The following CEP112 variants were observed in gnomAD, a reference collection of about 807,000 sequenced individuals.
CEP112 encodes the protein centrosomal protein of 112 kDa.
In CEP112, 127 loss-of-function variants were observed where a neutral mutation model predicts 153.0. The observed-to-expected ratio is 0.83, with a 90% CI of 0.72 to 0.96. The LOEUF (loss-of-function observed/expected upper bound fraction) is 0.96. Among genes scored for constraint, CEP112 ranks in the 40% least tolerant of loss-of-function variants. CEP112 has a pLI of 0.00. For synonymous variants in CEP112, 358 were observed against 374.4 expected, an observed-to-expected ratio of 0.96 and a Z score of 0.51; for missense variants, 1,089 against 1,101.2, an observed-to-expected ratio of 0.99 and a Z score of 0.16.
At chr17:65,769,152 G>A (rs1567985853) in intron 21 of CEP112, among the ~76,000 whole-genome samples, 1 of 151,334 alleles carries the variant, frequency 6.6e-6, no homozygotes, top group Non-Finnish European at 1.5e-5. Context: ...TAGCCAAAAA[G>A]GAAACTGAGA....
intron 4 of CEP112, among the ~76,000 whole-genome samples, chr17:66,134,311 T>C (rs1250557535): frequency 6.6e-6 from 1 of 152,206 alleles, no homozygotes; most frequent in Admixed American, 6.5e-5. Flanking sequence ...TACCAACCTC[T>C]TTACCCTCAC....
rs1204442481 is a variant in CEP112, at chr17:66,098,169, G to A, written c.643-1537C>T. Among the ~76,000 whole-genome samples the A allele has an allele frequency of 3.3e-5, 5 of 152,122 alleles. No individual in the cohort carries two copies. In the South Asian group the frequency reaches 6.2e-4, roughly 19 times the overall value. ...ACCAATCCTGCTGTTTCTGTACCTCGCTTCCATTTTGTGTACATCACTATC... is the reference window on the plus strand; with the variant it reads ...ACCAATCCTGCTGTTTCTGTACCTCACTTCCATTTTGTGTACATCACTATC... On this transcript the variant is annotated intron_variant, in intron 6 of 26. Transcript: ENST00000535342.
chr17:66,189,226 C>T (rs1296282151), intron 1 of CEP112, among the ~76,000 whole-genome samples: 2 of 152,116 alleles, frequency 1.3e-5, no homozygotes, highest in Non-Finnish European at 2.9e-5. Context: ...GAAGGCCAGG[C>T]GCGTTGGCTC....
chr17:66,128,767 T>C, intron 6 of CEP112, among the ~76,000 whole-genome samples: 1 of 152,156 alleles, frequency 6.6e-6, no homozygotes, highest in Non-Finnish European at 1.5e-5. Context: ...GGAATATCCA[T>C]CCGAAAGAAA....
At chr17:65,857,471 A>C (rs1598796164) in intron 20 of CEP112, among the ~76,000 whole-genome samples, 1 of 152,054 alleles carries the variant, frequency 6.6e-6, no homozygotes, top group Non-Finnish European at 1.5e-5. Context: ...CGAACTCCTG[A>C]CCTCGTGATC....
chr17:65,959,368 A>G lies in CEP112; in HGVS notation c.1872+2095T>C, dbSNP rs117205160. Among the ~76,000 whole-genome samples the G allele has an allele frequency of 4.3e-3, 658 of 152,326 alleles. 6 individuals carry two copies. Among genetic ancestry groups the G allele is most frequent in the East Asian group, 0.03 (157 of 5,176 alleles). ...TGTCTCTGAGCTGTTCTATTGCTCA[A>G]TGAAGCTCCTCTTTGTCTTGCTTAC... On this transcript the variant is annotated intron_variant, in intron 18 of 26. Coordinates refer to ENST00000535342, the MANE Select transcript of CEP112 (RefSeq NM_001199165.4).
At chr17:65,888,026 C>T (rs529972091) in intron 20 of CEP112, among the ~76,000 whole-genome samples, 3 of 152,200 alleles carry the variant, frequency 2.0e-5, no homozygotes, top group East Asian at 1.9e-4. Flanking sequence ...CAGATGTCCA[C>T]GTCTTCCAAA....
At chr17:65,865,754 A>G (rs1022550711) in intron 20 of CEP112, among the ~76,000 whole-genome samples, 1 of 152,224 alleles carries the variant, frequency 6.6e-6, no homozygotes, top group African/African-American at 2.4e-5. Flanking sequence ...ATGCAGAGAG[A>G]AGGTGTGCAG....
chr17:65,701,694 T>C (rs1398076721), intron 23 of CEP112, among the ~76,000 whole-genome samples: 1 of 152,074 alleles, frequency 6.6e-6, no homozygotes, highest in Non-Finnish European at 1.5e-5. Flanking sequence ...CTTACCATCA[T>C]CTCAAACTTC....
intron 17 of CEP112, among the ~76,000 whole-genome samples, chr17:65,996,129 CGTGTGTGTGTGTGTGT>C (rs3055983): frequency 2.1e-5 from 3 of 145,684 alleles, no homozygotes; most frequent in African/African-American, 5.1e-5. Flanking sequence ...GAAAAATATA[CGTGTGTGTGTGTGTGT>C]GTGTGTGTGT....
chr17:66,169,280 TTC>T (rs1177950135), intron 4 of CEP112, among the ~76,000 whole-genome samples: 2 of 134,266 alleles, frequency 1.5e-5, no homozygotes, highest in East Asian at 3.3e-4. Context: ...TTTTAATTTC[TTC>T]TTTTTTTTTT....
At chr17:65,881,065 A>G (rs2109910) in intron 20 of CEP112, among the ~76,000 whole-genome samples, 56,628 of 151,994 alleles carry the variant, frequency 0.37, 12,449 homozygotes, top group East Asian at 0.56. Flanking sequence ...AATACAAAAA[A>G]TTAGCCAGGC....
At chr17:66,125,784 G>GA (rs1229274483) in intron 6 of CEP112, among the ~76,000 whole-genome samples, 1 of 151,498 alleles carries the variant, frequency 6.6e-6, no homozygotes, top group African/African-American at 2.4e-5. Flanking sequence ...GGAGAAAAAG[G>GA]AAAAAATAAG....
chr17:65,711,685 T>C (rs775902435), intron 23 of CEP112, among the ~76,000 whole-genome samples: 1 of 152,230 alleles, frequency 6.6e-6, no homozygotes, highest in Non-Finnish European at 1.5e-5. Flanking sequence ...TCAAAGCATT[T>C]GTGAAGTCAA....
At chr17:66,106,179 C>T (rs2068773961) in intron 6 of CEP112, among the ~76,000 whole-genome samples, 1 of 151,816 alleles carries the variant, frequency 6.6e-6, no homozygotes, top group South Asian at 2.1e-4. Context: ...AAGTTTATAG[C>T]AAGAATTATC....
chr17:65,815,346 T>C (rs1376904393), intron 21 of CEP112, among the ~76,000 whole-genome samples: 3 of 152,136 alleles, frequency 2.0e-5, no homozygotes, highest in Non-Finnish European at 4.4e-5. Context: ...TGTGTAGGTA[T>C]ATTTCAAGAC....
At chr17:65,775,146 G>T (rs9972885) in intron 21 of CEP112, among the ~76,000 whole-genome samples, 76,577 of 151,728 alleles carry the variant, frequency 0.5, 20,939 homozygotes, top group Non-Finnish European at 0.62. Flanking sequence ...CAACATAGGG[G>T]AGAGGAACCT....
rs559529797 is a variant in CEP112, at chr17:66,058,857, C to T, written c.1074+4106G>A. 2.0e-5 allele frequency among the ~76,000 whole-genome samples: 3 copies of T among 151,948 alleles called. No homozygotes were observed. In the East Asian group the frequency reaches 5.8e-4, roughly 29 times the overall value. ...ACAGAGCAAGACCCTGTCTCAAAACCAAAATAAAACAAAAGAACAAGGCCA... is the reference window on the plus strand; with the variant it reads ...ACAGAGCAAGACCCTGTCTCAAAACTAAAATAAAACAAAAGAACAAGGCCA... On this transcript the variant is annotated intron_variant, in intron 11 of 26. Coordinates refer to ENST00000535342, the MANE Select transcript of CEP112 (RefSeq NM_001199165.4).
intron 12 of CEP112, among the ~76,000 whole-genome samples, chr17:66,047,465 G>A (rs1384940295): frequency 1.3e-5 from 2 of 152,124 alleles, no homozygotes; most frequent in Non-Finnish European, 2.9e-5. Flanking sequence ...TAGAAGAACG[G>A]ACATTCACAT....
Sources: gnomAD v4.1 joint callset for allele counts (sites outside exome capture counted in the v4.1 genomes callset) on GRCh38, gnomAD v4.1.1 for gene constraint, MANE v1.5 for transcripts, NCBI Gene and HGNC (gene_info 2026-07-23, HGNC 2026-07-21) for gene names.